Variants in AFAP1 observed in about 807,000 individuals in gnomAD.
The protein encoded by AFAP1 is actin filament-associated protein 1.
A neutral mutation model predicts 93.9 loss-of-function variants in AFAP1; 75 were observed. That is an observed-to-expected ratio of 0.80 (90% confidence interval 0.66 to 0.97). The LOEUF (loss-of-function observed/expected upper bound fraction) is 0.97. Ranked by LOEUF, AFAP1 falls within the 50% of genes least tolerant of loss-of-function variation. AFAP1 has a pLI of 0.00. For missense variants in AFAP1, 1,201 were observed against 1,050.8 expected (o/e 1.14, Z -1.98); for synonymous variants, 517 against 430.7 (o/e 1.20, Z -2.48).
At position 7,843,230 on chromosome 4, in the gene AFAP1, T is replaced by G. The variant is rs755219782; in HGVS notation, c.455A>C (p.Lys152Thr). ...CAGGAAGGCGCAGATTTTGGCGTCC[T>G]TGACCAGGTCCATGGAGGCCTCCTC... is the stretch of plus-strand genomic sequence containing the variant. ...PSEEASMDLV[K>T]DAKICAFLLR... The change falls in exon 5 of 18, where the codon AAG becomes ACG. Residue 152 changes from lysine (K) to threonine (T), a missense_variant. Lys to Thr is a moderately conservative substitution (Grantham distance 78, BLOSUM62 -1). Coordinates refer to ENST00000420658, the MANE Select transcript of AFAP1 (RefSeq NM_001134647.2). 6.2e-7 allele frequency: 1 copy of G among 1,614,208 alleles called. No homozygotes were observed. The highest frequency in any genetic ancestry group is 2.2e-5 in the East Asian group (1 of 44,888).
intron 1 of AFAP1, among the ~76,000 whole-genome samples, chr4:7,919,473 G>A (rs562865739): frequency 1.3e-5 from 2 of 152,186 alleles, no homozygotes; most frequent in Middle Eastern, 3.4e-3. Context: ...CTACACAAAC[G>A]TTTAGTAGAA....
At chr4:7,853,206 G>A (rs931953605) in intron 4 of AFAP1, among the ~76,000 whole-genome samples, 3 of 150,376 alleles carry the variant, frequency 2.0e-5, no homozygotes, top group African/African-American at 7.4e-5. Flanking sequence ...GGGAGTGATA[G>A]GGCAGAGGGG....
chr4:7,935,955 AT>A (rs1467495494), intron 1 of AFAP1, among the ~76,000 whole-genome samples: 7 of 152,346 alleles, frequency 4.6e-5, no homozygotes, highest in African/African-American at 1.2e-4. Context: ...TTATTAAAAC[AT>A]TAATAAAATC....
intron 7 of AFAP1, among the ~76,000 whole-genome samples, chr4:7,816,666 A>G (rs891059503): frequency 6.6e-6 from 1 of 152,200 alleles, no homozygotes; most frequent in African/African-American, 2.4e-5. Context: ...ATTCCACGTC[A>G]GTATCTGAAT....
At chr4:7,874,964 T>C (rs1315453030) in intron 1 of AFAP1, among the ~76,000 whole-genome samples, 1 of 152,162 alleles carries the variant, frequency 6.6e-6, no homozygotes, top group Admixed American at 6.5e-5. Context: ...TATAATCATA[T>C]AAATAAAGCT....
chr4:7,829,120 T>C (rs533504417), intron 6 of AFAP1, among the ~76,000 whole-genome samples: 25 of 152,308 alleles, frequency 1.6e-4, no homozygotes, highest in African/African-American at 5.3e-4. Context: ...TCTGCCAAGA[T>C]TGTAAGTTTC....
Position 7,776,462 on chromosome 4 carries a change from G to A in AFAP1, c.1898-1559C>T, listed in dbSNP as rs574426858. The A allele has an allele frequency of 5.9e-5, 9 of 152,184 alleles. No individual in the cohort carries two copies. The East Asian group carries it at 1.2e-3, about 20-fold the overall frequency. The allele number at this position is 152,184 out of a possible 1,614,324, so 9.4% of individuals were successfully genotyped here. A position where few individuals can be genotyped will look rare whatever the true frequency, so the allele number is the denominator to read the frequency against. On this transcript the variant is annotated intron_variant, in intron 14 of 17. Coordinates refer to ENST00000420658, the MANE Select transcript of AFAP1 (RefSeq NM_001134647.2). Reference sequence around the variant, plus strand: ...TGAAAAAAATCTAACAAAATGATACGACGCCTGATGTAGTGGACATTCACT... The same window carrying A: ...TGAAAAAAATCTAACAAAATGATACAACGCCTGATGTAGTGGACATTCACT...
At chr4:7,852,590 G>T (rs1241565034) in intron 4 of AFAP1, among the ~76,000 whole-genome samples, 3 of 152,038 alleles carry the variant, frequency 2.0e-5, no homozygotes, top group Non-Finnish European at 4.4e-5. Context: ...TGCTACTGAA[G>T]GTCCAGACCT....
intron 7 of AFAP1, among the ~76,000 whole-genome samples, chr4:7,817,673 A>G (rs1311492503): frequency 6.6e-6 from 1 of 152,186 alleles, no homozygotes; most frequent in Non-Finnish European, 1.5e-5. Context: ...GGAGTCATAC[A>G]AATTTGACAT....
intron 1 of AFAP1, among the ~76,000 whole-genome samples, chr4:7,874,296 TG>T (rs1717323219): frequency 6.6e-6 from 1 of 151,574 alleles, no homozygotes; most frequent in South Asian, 2.1e-4. Flanking sequence ...TACAATTTTC[TG>T]AAAAGGCTAC....
At chr4:7,878,887 C>A (rs115576456) in intron 1 of AFAP1, among the ~76,000 whole-genome samples, 2 of 152,098 alleles carry the variant, frequency 1.3e-5, no homozygotes, top group Non-Finnish European at 1.5e-5. Context: ...ATTTTGCTCC[C>A]GGTGGAAGAA....
At chr4:7,857,737 T>C in intron 3 of AFAP1, among the ~76,000 whole-genome samples, 1 of 152,226 alleles carries the variant, frequency 6.6e-6, no homozygotes, top group Admixed American at 6.5e-5. Flanking sequence ...AAATTCCTTT[T>C]AGCATGGTCA....
chr4:7,794,951 A>C (rs971240350), intron 10 of AFAP1, among the ~76,000 whole-genome samples: 1 of 151,932 alleles, frequency 6.6e-6, no homozygotes, highest in Non-Finnish European at 1.5e-5. Context: ...TTAAGCTATC[A>C]AATCTATGAG....
At chr4:7,850,275 G>C (rs984202350) in intron 4 of AFAP1, among the ~76,000 whole-genome samples, 9 of 152,186 alleles carry the variant, frequency 5.9e-5, no homozygotes, top group Non-Finnish European at 1.2e-4. Flanking sequence ...AGAAGCAGGT[G>C]TAACTACCTG....
chr4:7,791,863 A>C (rs1717893671), intron 11 of AFAP1, among the ~76,000 whole-genome samples: 1 of 152,004 alleles, frequency 6.6e-6, no homozygotes, highest in South Asian at 2.1e-4. Flanking sequence ...AAAAACAAAA[A>C]ACAACAACAA....
intron 6 of AFAP1, among the ~76,000 whole-genome samples, chr4:7,831,405 A>T (rs1711593327): frequency 6.6e-6 from 1 of 152,014 alleles, no homozygotes; most frequent in Non-Finnish European, 1.5e-5. Flanking sequence ...AAAAAAAAAA[A>T]AAAAAATTCT....
chr4:7,932,706 A>C (rs1254089436), intron 1 of AFAP1, among the ~76,000 whole-genome samples: 2 of 152,172 alleles, frequency 1.3e-5, no homozygotes, highest in Non-Finnish European at 2.9e-5. Flanking sequence ...GCCTCACATC[A>C]AGTCAGAGGA....
intron 6 of AFAP1, among the ~76,000 whole-genome samples, chr4:7,833,430 A>G (rs1488267100): frequency 6.6e-5 from 10 of 152,222 alleles, no homozygotes; most frequent in African/African-American, 2.4e-4. Flanking sequence ...CAGGGAAAGC[A>G]AATCAAAACC....
At chr4:7,901,384 T>C (rs1719109455) in intron 1 of AFAP1, among the ~76,000 whole-genome samples, 1 of 152,204 alleles carries the variant, frequency 6.6e-6, no homozygotes, top group African/African-American at 2.4e-5. Context: ...CAGAGCACCA[T>C]GATAAAGACG....
Sources: gnomAD v4.1 joint callset for allele counts (sites outside exome capture counted in the v4.1 genomes callset) on GRCh38, gnomAD v4.1.1 for gene constraint, MANE v1.5 for transcripts, NCBI Gene and HGNC (gene_info 2026-07-23, HGNC 2026-07-21) for gene names.